MGAT5: variants seen among roughly 807,000 people sequenced by gnomAD.
MGAT5 encodes the protein alpha-1,6-mannosylglycoprotein 6-beta-N-acetylglucosaminyltransferase.
Under a neutral mutation model 94.3 loss-of-function variants are expected in MGAT5, and 30 were observed. The observed-to-expected ratio is 0.32, with a 90% CI of 0.24 to 0.43. The LOEUF (loss-of-function observed/expected upper bound fraction) is 0.43, where lower values mean the gene tolerates loss of function less well. MGAT5 is among the 20% of genes least tolerant of loss of function. The pLI is 1.00. For missense variants in MGAT5, 691 were observed against 905.5 expected (o/e 0.76, Z 3.04); for synonymous variants, 310 against 322.9 (o/e 0.96, Z 0.43).
chr2:134,201,816 CTTTTTTT>C (rs554227745), intron 1 of MGAT5, among the ~76,000 whole-genome samples: 2 of 67,860 alleles, frequency 2.9e-5, no homozygotes, highest in African/African-American at 1.5e-4. Context: ...CCAAGCGCTG[CTTTTTTT>C]TTTTTTTTTT....
chr2:134,387,319 TATA>T (rs1682065968), intron 10 of MGAT5, among the ~76,000 whole-genome samples: 2 of 50,378 alleles, frequency 4.0e-5, no homozygotes, highest in East Asian at 8.4e-4. Flanking sequence ...TATATATATA[TATA>T]TATATATATA....
chr2:134,189,612 T>G (rs796418986), intron 1 of MGAT5, among the ~76,000 whole-genome samples: 10 of 92,902 alleles, frequency 1.1e-4, no homozygotes, highest in South Asian at 3.6e-4. Context: ...GTTTTTTTTT[T>G]TTTTTTTTAA....
At chr2:134,128,423 A>G (rs1432566272) in intron 1 of MGAT5, among the ~76,000 whole-genome samples, 2 of 152,102 alleles carry the variant, frequency 1.3e-5, no homozygotes, top group East Asian at 3.8e-4. Context: ...TAGGTAGGGG[A>G]TCCTTGGTAA....
rs533209250 is a variant in MGAT5 at position 134,422,495 on chromosome 2, C to T, written c.1678-308C>T. 5.9e-5 allele frequency among the ~76,000 whole-genome samples: 9 copies of T among 152,224 alleles called. No individual in the cohort carries two copies. In the East Asian group the frequency reaches 1.2e-3, roughly 20 times the overall value. On this transcript the variant is annotated intron_variant, in intron 12 of 15. Coordinates refer to ENST00000281923, the MANE Select transcript of MGAT5 (RefSeq NM_002410.5). ...GTTTGATCTAGTAATAGGTGATTTT[C>T]GGGGCTGGGTTCTGGGTAGGAGAAA...
chr2:134,160,483 A>C (rs1687681723), intron 1 of MGAT5, among the ~76,000 whole-genome samples: 2 of 152,184 alleles, frequency 1.3e-5, no homozygotes, highest in Admixed American at 1.3e-4. Flanking sequence ...CACTTTTGCA[A>C]AATGCAGGCT....
chr2:134,262,455 G>A (rs543742796), intron 1 of MGAT5, among the ~76,000 whole-genome samples: 1 of 151,614 alleles, frequency 6.6e-6, no homozygotes, highest in South Asian at 2.1e-4. Context: ...TATTGCCCAG[G>A]CTGGTCTCAA....
intron 1 of MGAT5, among the ~76,000 whole-genome samples, chr2:134,202,729 T>C (rs1292031114): frequency 6.6e-6 from 1 of 152,234 alleles, no homozygotes; most frequent in Admixed American, 6.5e-5. Context: ...AAAGACATTC[T>C]TTAATCCTAT....
chr2:134,377,750 C>G (rs541810002), intron 10 of MGAT5, among the ~76,000 whole-genome samples: 1 of 152,174 alleles, frequency 6.6e-6, no homozygotes, highest in Non-Finnish European at 1.5e-5. Flanking sequence ...CTCCCACCAT[C>G]AAAACTATTA....
intron 12 of MGAT5, 65 bp downstream of exon 12, chr2:134,413,080 A>C: frequency 6.4e-7 from 1 of 1,552,474 alleles, no homozygotes; most frequent in Non-Finnish European, 8.8e-7. Flanking sequence ...TTGAGTGCTC[A>C]TGTAGGTATT....
chr2:134,381,390 A>ATAAGATAAGATAGAT (rs1558841793), intron 10 of MGAT5, among the ~76,000 whole-genome samples: 13 of 117,464 alleles, frequency 1.1e-4, no homozygotes, highest in South Asian at 2.8e-4. Flanking sequence ...GATTAGATAG[A>ATAAGATAAGATAGAT]TAGATAGATA....
chr2:134,398,771 G>A (rs12468077), intron 10 of MGAT5, among the ~76,000 whole-genome samples: 4,360 of 152,294 alleles, frequency 0.029, 249 homozygotes, highest in East Asian at 0.17. Flanking sequence ...GTAGTTTGCA[G>A]CAATATGGAT....
intron 1 of MGAT5, among the ~76,000 whole-genome samples, chr2:134,189,602 G>GTTTTGTTTTGTTTTGTTTTTTTTTTTT (rs1553490380): frequency 3.5e-5 from 3 of 84,672 alleles, no homozygotes; most frequent in African/African-American, 1.4e-4. Flanking sequence ...GTTTTTTTTT[G>GTTTTGTTTTGTTTTGTTTTTTTTTTTT]TTTTTTTTTT....
intron 1 of MGAT5, among the ~76,000 whole-genome samples, chr2:134,138,053 GCTGGTCA>G (rs1408654711): frequency 6.6e-6 from 1 of 151,068 alleles, no homozygotes; most frequent in Non-Finnish European, 1.5e-5. Flanking sequence ...GGGCAGTGGC[GCTGGTCA>G]CTGGTCACTG....
rs746984897 is a variant in MGAT5 at position 134,260,702 on chromosome 2, C to CTTTTCTT, written c.241+6062_241+6063insCTTTTTT. Among the ~76,000 whole-genome samples, 48 of 127,004 alleles carry CTTTTCTT rather than the reference C, an allele frequency of 3.8e-4. 1 individual carries two copies. The highest frequency in any genetic ancestry group is 2.0e-3 in the East Asian group (9 of 4,540). The allele number at this position is 127,004 out of a possible 152,430, so 83.3% of individuals were successfully genotyped here. A position where few individuals can be genotyped will look rare whatever the true frequency, so the allele number is the denominator to read the frequency against. ...TAGGAATGGTTTCTTTTTTCTTTTT[C>CTTTTCTT]TTTTTTTTTTTTTTTTGAGGGCTGG... On this transcript the variant is annotated intron_variant, in intron 1 of 15. Transcript: ENST00000281923.
chr2:134,156,782 G>C (rs957120657), intron 1 of MGAT5, among the ~76,000 whole-genome samples: 2 of 152,122 alleles, frequency 1.3e-5, no homozygotes, highest in Middle Eastern at 3.2e-3. Flanking sequence ...ATTCCTCATG[G>C]GTTTCAGGGG....
chr2:134,448,377 TC>T (rs1685913179), intron 15 of MGAT5, among the ~76,000 whole-genome samples: 2 of 152,196 alleles, frequency 1.3e-5, no homozygotes, highest in African/African-American at 4.8e-5. Flanking sequence ...TTGGGTTGTT[TC>T]CAGTTTTTCT....
intron 10 of MGAT5, among the ~76,000 whole-genome samples, chr2:134,378,275 C>T (rs1342646618): frequency 6.6e-6 from 1 of 152,016 alleles, no homozygotes; most frequent in South Asian, 2.1e-4. Context: ...AGGTGGAGAC[C>T]GTATTGGGGA....
intron 2 of MGAT5, among the ~76,000 whole-genome samples, chr2:134,306,547 G>C (rs1212630153): frequency 2.0e-5 from 3 of 152,076 alleles, no homozygotes; most frequent in African/African-American, 7.2e-5. Context: ...GATCTAATGA[G>C]AGCTAGTGTG....
chr2:134,427,817 A>T (rs1684671812), intron 13 of MGAT5, among the ~76,000 whole-genome samples: 2 of 152,220 alleles, frequency 1.3e-5, no homozygotes, highest in South Asian at 2.1e-4. Context: ...AGTTCTTCGG[A>T]TATAGGCTAA....
Sources: gnomAD v4.1 joint callset for allele counts (sites outside exome capture counted in the v4.1 genomes callset) on GRCh38, gnomAD v4.1.1 for gene constraint, MANE v1.5 for transcripts, NCBI Gene and HGNC (gene_info 2026-07-23, HGNC 2026-07-21) for gene names.